The following EMC10 variants were observed in gnomAD, a reference collection of about 807,000 sequenced individuals.
The protein encoded by EMC10 is ER membrane protein complex subunit 10, also known as UPF0510 protein INM02.
A neutral mutation model predicts 32.2 loss-of-function variants in EMC10; 40 were observed. That is an observed-to-expected ratio of 1.24 (90% CI 0.96 to 1.61). EMC10 has a LOEUF of 1.61. Ranked by LOEUF, EMC10 falls within the 40% of genes most tolerant of loss-of-function variation. The pLI is 0.00. For synonymous variants in EMC10, 178 were observed against 158.4 expected, an observed-to-expected ratio of 1.12 and a Z score of -0.93; for missense variants, 402 against 357.7, an observed-to-expected ratio of 1.12 and a Z score of -1.00.
Position 50,482,232 on chromosome 19 carries a change from GGGTGGT to G in EMC10, c.768_773del (p.Gly258_Gly259del), listed in dbSNP as rs766938846. On this transcript the variant is annotated inframe_deletion, in exon 7 of 7. Coordinates refer to ENST00000334976, the MANE Select transcript of EMC10 (RefSeq NM_206538.4). ...GGGGCCAGGGTGGGGGTGGGGGTGG[GGGTGGT>G]GGTGGGGGTAGTGGCCGGTGAGGGC... 2.1e-6 allele frequency: 2 copies of G among 967,832 alleles called. No individual in the cohort carries two copies. Among genetic ancestry groups the G allele is most frequent in the Non-Finnish European group, 1.6e-6 (1 of 637,564 alleles). 60.0% of individuals were successfully genotyped at this position (967,832 alleles called of 1,614,324 possible).
At chr19:50,481,870 A>G in intron 6 of EMC10, 2 of 1,582,278 alleles carry the variant, frequency 1.3e-6, no homozygotes, top group Non-Finnish European at 1.7e-6. Flanking sequence ...GTGGCACATC[A>G]TCCTGGGGGG....
Position 50,480,071 on chromosome 19 carries a change from C to T in EMC10, c.298-40C>T, listed in dbSNP as rs2040292175. 1 of 1,525,920 alleles carries T rather than the reference C, an allele frequency of 6.6e-7. No homozygotes were observed. The highest frequency in any genetic ancestry group is 8.9e-7 in the Non-Finnish European group (1 of 1,119,802). The allele number at this position is 1,525,920 out of a possible 1,614,324, so 94.5% of individuals were successfully genotyped here. ...GGCATCACAGCCTGTCCAGGGCTGA[C>T]ACCATCCTTCTGACCAGCACCCTCT... On this transcript the variant is annotated intron_variant, in intron 3 of 6. Transcript: ENST00000334976. This position sits in a 1 kb window ranked among gnomAD's most constrained non-coding sequence, Gnocchi z 4.4.
chr19:50,483,861 C>T lies in EMC10; in HGVS notation c.*1602C>T, dbSNP rs2040360036. Reference sequence around the variant, plus strand: ...ACAGGCGTGAGCCACCGCGCCTGGCCTATTTTTGGTAACTTTAATAAAGAA... The same window carrying T: ...ACAGGCGTGAGCCACCGCGCCTGGCTTATTTTTGGTAACTTTAATAAAGAA... On this transcript the variant is annotated 3_prime_UTR_variant, in exon 7 of 7. Coordinates refer to ENST00000334976, the MANE Select transcript of EMC10 (RefSeq NM_206538.4). 1 of 151,782 alleles carries T rather than the reference C, an allele frequency of 6.6e-6. No homozygotes were observed. Among genetic ancestry groups the T allele is most frequent in the African/African-American group, 2.4e-5 (1 of 41,322 alleles). 9.4% of individuals were successfully genotyped at this position (151,782 alleles called of 1,614,324 possible).
At chr19:50,479,223 C>T (rs1489756066) in intron 3 of EMC10, among the ~76,000 whole-genome samples, 157 bp downstream of exon 3, 3 of 152,314 alleles carry the variant, frequency 2.0e-5, no homozygotes, top group East Asian at 1.9e-4. Context: ...CAATGACTGC[C>T]CCTGGAGGAA....
In EMC10 at chr19:50,482,493, C is replaced by T; in HGVS notation, c.*234C>T. 1 of 578,906 alleles carries T rather than the reference C, an allele frequency of 1.7e-6. No homozygotes were observed. 35.9% of individuals were successfully genotyped at this position (578,906 alleles called of 1,614,324 possible). ...TCCTGCGCCCGCCTCCCCCATGGCCCCATGCAGCCCCAGGGGCTTCCCCCC... is the reference window on the plus strand; with the variant it reads ...TCCTGCGCCCGCCTCCCCCATGGCCTCATGCAGCCCCAGGGGCTTCCCCCC... On this transcript the variant is annotated 3_prime_UTR_variant, in exon 7 of 7. Coordinates refer to ENST00000334976, the MANE Select transcript of EMC10 (RefSeq NM_206538.4).
In EMC10 at chr19:50,476,621, G is replaced by C; in HGVS notation, c.77G>C (p.Arg26Pro). The change falls in exon 1 of 7, where the codon CGG becomes CCG. Residue 26 changes from arginine (R) to proline (P), a missense_variant. By Grantham distance (103) the Arg-to-Pro change is moderately radical (BLOSUM62 -2). Transcript: ENST00000334976. The stretch of plus-strand genomic sequence containing the variant: ...GCGGTAGCAGCGCCCAGTCGAGCCC[G>C]GGGCAGCGGCTGCCGGGCCGGGACT... ...LMAVAAPSRA[R>P]GSGCRAGTGA... 2.6e-6 allele frequency: 4 copies of C among 1,556,402 alleles called. No individual in the cohort carries two copies. Among genetic ancestry groups the C allele is most frequent in the Non-Finnish European group, 3.5e-6 (4 of 1,156,742 alleles).
Position 50,480,854 on chromosome 19 carries a change from C to T in EMC10, c.585-30C>T. On this transcript the variant is annotated intron_variant, in intron 5 of 6. Coordinates refer to ENST00000334976, the MANE Select transcript of EMC10 (RefSeq NM_206538.4). The surrounding 1 kb of genome is among the most constrained non-coding windows in gnomAD (Gnocchi z 4.4). ...CTCCAGGTCCCTGGACTCCGGGCCT[C>T]ACCCTTCTCCTCCTCTCCCCTTGCC... 1 of 1,581,242 alleles carries T rather than the reference C, an allele frequency of 6.3e-7. No individual in the cohort carries two copies. The highest frequency in any genetic ancestry group is 8.6e-7 in the Non-Finnish European group (1 of 1,160,554).
At chr19:50,479,465 GT>G (rs1332759446) in intron 3 of EMC10, among the ~76,000 whole-genome samples, 3 of 152,208 alleles carry the variant, frequency 2.0e-5, no homozygotes, top group African/African-American at 7.2e-5. Flanking sequence ...GTCGCCCTGT[GT>G]TGTGGCAGCC....
chr19:50,476,759 A>G (rs906782950), intron 1 of EMC10, 101 bp downstream of exon 1: 3 of 742,052 alleles, frequency 4.0e-6, no homozygotes, highest in Admixed American at 3.5e-5. Context: ...CGCAGGGCTG[A>G]GAGGGAAGAG....
chr19:50,482,083 C>T, intron 6 of EMC10, 66 bp from the exon 7 acceptor site: 1 of 1,392,980 alleles, frequency 7.2e-7, no homozygotes, highest in Non-Finnish European at 1.0e-6. Flanking sequence ...GTGATGCCCA[C>T]ACTCACCTCC....
chr19:50,481,273 AC>A, intron 6 of EMC10: 1 of 362,106 alleles, frequency 2.8e-6, no homozygotes, highest in Non-Finnish European at 5.0e-6. Context: ...TTTCAAAGGA[AC>A]CAGGGAGGCT....
At chr19:50,481,365 G>T in intron 6 of EMC10, 1 of 225,578 alleles carries the variant, frequency 4.4e-6, no homozygotes, top group Admixed American at 5.4e-5. Flanking sequence ...TGTGGCCCAG[G>T]GAGGGGCATT....
Position 50,488,089 on chromosome 19 carries a change from G to A in EMC10, c.*5830G>A, listed in dbSNP as rs917297368. 3.3e-5 allele frequency: 5 copies of A among 151,766 alleles called. No individual in the cohort carries two copies. Among genetic ancestry groups the A allele is most frequent in the Admixed American group, 2.0e-4 (3 of 15,210 alleles). 9.4% of individuals were successfully genotyped at this position (151,766 alleles called of 1,614,324 possible). ...AGGCAGATCACGAGGTGAGGAGATC[G>A]AGACCGTCCTGGCTAACACGGTGAA... On this transcript the variant is annotated 3_prime_UTR_variant, in exon 7 of 7. Coordinates refer to ENST00000334976, the MANE Select transcript of EMC10 (RefSeq NM_206538.4).
In EMC10 at chr19:50,480,470, T is replaced by G; in HGVS notation, c.403-111T>G. Reference sequence around the variant, plus strand: ...TGGGCCTGAGGGTAACAGGGAGCCATGGGAAGGTTTTGAAAAATGCTCCGG... The same window carrying G: ...TGGGCCTGAGGGTAACAGGGAGCCAGGGGAAGGTTTTGAAAAATGCTCCGG... On this transcript the variant is annotated intron_variant, in intron 4 of 6. Coordinates refer to ENST00000334976, the MANE Select transcript of EMC10 (RefSeq NM_206538.4). This position sits in a 1 kb window ranked among gnomAD's most constrained non-coding sequence, Gnocchi z 4.4. 1 of 1,294,386 alleles carries G rather than the reference T, an allele frequency of 7.7e-7. No individual in the cohort carries two copies. The highest frequency in any genetic ancestry group is 1.1e-6 in the Non-Finnish European group (1 of 944,916). 80.2% of individuals were successfully genotyped at this position (1,294,386 alleles called of 1,614,324 possible).
rs1007304697 is a variant in EMC10 at position 50,485,463 on chromosome 19, C to G, written c.*3204C>G. The G allele has an allele frequency of 6.6e-6, 1 of 152,404 alleles. No individual in the cohort carries two copies. The highest frequency in any genetic ancestry group is 2.4e-5 in the African/African-American group (1 of 41,446). The allele number at this position is 152,404 out of a possible 1,614,324, so 9.4% of individuals were successfully genotyped here. ...CTCCCACCTGCCCGGATCGGGTGCT[C>G]CTCCAGGGATCTTTGTTCCAGTGAG... On this transcript the variant is annotated 3_prime_UTR_variant, in exon 7 of 7. Coordinates refer to ENST00000334976, the MANE Select transcript of EMC10 (RefSeq NM_206538.4).
chr19:50,480,435 C>A lies in EMC10; in HGVS notation c.403-146C>A. The A allele has an allele frequency of 9.6e-7, 1 of 1,042,284 alleles. No individual in the cohort carries two copies. The highest frequency in any genetic ancestry group is 1.4e-6 in the Non-Finnish European group (1 of 723,266). The allele number at this position is 1,042,284 out of a possible 1,614,324, so 64.6% of individuals were successfully genotyped here. A position where few individuals can be genotyped will look rare whatever the true frequency, so the allele number is the denominator to read the frequency against. On this transcript the variant is annotated intron_variant, in intron 4 of 6. Coordinates refer to ENST00000334976, the MANE Select transcript of EMC10 (RefSeq NM_206538.4). This position sits in a 1 kb window ranked among gnomAD's most constrained non-coding sequence, Gnocchi z 4.4. ...ATTGTGAGGACTCCCGGGTGGGGGG[C>A]GGTTGAACTTGGGCCTGAGGGTAAC...
At chr19:50,478,634 C>T (rs1004651409) in intron 2 of EMC10, among the ~76,000 whole-genome samples, 4 of 152,146 alleles carry the variant, frequency 2.6e-5, no homozygotes, top group Non-Finnish European at 4.4e-5. Flanking sequence ...GTTGGGAATT[C>T]CTGAACTCCA....
At position 50,476,664 on chromosome 19, in the gene EMC10, T is replaced by G; in HGVS notation, c.114+6T>G. 6.6e-7 allele frequency: 1 copy of G among 1,510,924 alleles called. No individual in the cohort carries two copies. Among genetic ancestry groups the G allele is most frequent in the Non-Finnish European group, 8.8e-7 (1 of 1,132,688 alleles). 93.6% of individuals were successfully genotyped at this position (1,510,924 alleles called of 1,614,324 possible). A position where few individuals can be genotyped will look rare whatever the true frequency, so the allele number is the denominator to read the frequency against. On this transcript the variant is annotated splice_donor_region_variant and intron_variant, in intron 1 of 6. Coordinates refer to ENST00000334976, the MANE Select transcript of EMC10 (RefSeq NM_206538.4). ...CCGGGACTGGTGCGCGAGGGGTGAG[T>G]GCTCTTTAGCTGTGCATAGCGGGCG...
At position 50,484,437 on chromosome 19, in the gene EMC10, A is replaced by G. The variant is rs1673018; in HGVS notation, c.*2178A>G. On this transcript the variant is annotated 3_prime_UTR_variant, in exon 7 of 7. Coordinates refer to ENST00000334976, the MANE Select transcript of EMC10 (RefSeq NM_206538.4). The stretch of plus-strand genomic sequence containing the variant: ...GGGAACATCTTATTTTTCCTGGGTT[A>G]AACATTGGGATCTTTATAAACCTGA... 0.74 allele frequency: 112,793 copies of G among 151,890 alleles called. 42,807 individuals are homozygous for G. The highest frequency in any genetic ancestry group is 0.92 in the African/African-American group (37,951 of 41,436). 9.4% of individuals were successfully genotyped at this position (151,890 alleles called of 1,614,324 possible).
Sources: allele counts gnomAD v4.1 joint callset (sites outside exome capture counted in the v4.1 genomes callset), GRCh38; gene constraint gnomAD v4.1.1; non-coding constraint Gnocchi (gnomAD v3.1); transcripts MANE v1.5; gene names NCBI Gene and HGNC (gene_info 2026-07-23, HGNC 2026-07-21).